BCL6B: variants seen among roughly 807,000 people sequenced by gnomAD.
BCL6B encodes B-cell CLL/lymphoma 6 member B protein.
BCL6B carries 28 observed loss-of-function variants against 44.6 expected under a neutral mutation model. That is an observed-to-expected ratio of 0.63 (90% CI 0.47 to 0.86). The LOEUF is 0.86. Ranked by LOEUF, BCL6B falls within the 40% of genes least tolerant of loss-of-function variation. The pLI, the probability that BCL6B is intolerant of heterozygous loss-of-function variation, is 0.00. For missense variants in BCL6B, 626 were observed against 652.3 expected (o/e 0.96, Z 0.44); for synonymous variants, 268 against 263.6 (o/e 1.02, Z -0.16).
chr17:7,027,855 GCT>G lies in BCL6B; in HGVS notation c.*237_*238del, dbSNP rs55794654. 0.093 allele frequency: 128,445 copies of G among 1,386,712 alleles called. 7,124 individuals carry two copies. Among genetic ancestry groups the G allele is most frequent in the South Asian group, 0.25 (15,940 of 64,710 alleles). The allele number at this position is 1,386,712 out of a possible 1,614,324, so 85.9% of individuals were successfully genotyped here. On this transcript the variant is annotated 3_prime_UTR_variant, in exon 9 of 9. Coordinates refer to ENST00000293805, the MANE Select transcript of BCL6B (RefSeq NM_181844.4). ...AAGCCAGATTGTTTCTGAGGAGAGA[GCT>G]AGCTAGGGGCTGGGAAAGGGGAGAG...
At chr17:7,027,212 T>G in intron 8 of BCL6B, 125 bp downstream of exon 8, 6 of 1,331,076 alleles carry the variant, frequency 4.5e-6, no homozygotes, top group Non-Finnish European at 6.1e-6. Flanking sequence ...GCCGGAAGAG[T>G]CCAAGCAAAT....
intron 8 of BCL6B, 58 bp downstream of exon 8, chr17:7,027,145 G>T: frequency 6.2e-7 from 1 of 1,603,614 alleles, no homozygotes; most frequent in African/African-American, 1.3e-5. Flanking sequence ...TTGCCTAGGG[G>T]TGGGCTCTGA....
chr17:7,023,772 G>A lies in BCL6B; in HGVS notation c.101G>A (p.Arg34His), dbSNP rs1910193753. 1.2e-6 allele frequency: 2 copies of A among 1,613,464 alleles called. No individual in the cohort carries two copies. Among genetic ancestry groups the A allele is most frequent in the Non-Finnish European group, 1.7e-6 (2 of 1,180,032 alleles). The change falls in exon 2 of 9, where the codon CGC (arginine) becomes CAC (histidine). Residue 34 changes from arginine to histidine, a missense_variant. By Grantham distance (29) the Arg-to-His change is conservative (BLOSUM62 0). Coordinates refer to ENST00000293805, the MANE Select transcript of BCL6B (RefSeq NM_181844.4). ...GGCAACCTCAACGAGCTGCGCCTGC[G>A]CGGGATCCTCACTGACGTCACGCTG... ...VLGNLNELRL[R>H]GILTDVTLLV...
intron 8 of BCL6B, 64 bp from the exon 9 acceptor site, chr17:7,027,439 C>G: frequency 1.9e-6 from 3 of 1,587,702 alleles, no homozygotes; most frequent in African/African-American, 2.7e-5. Flanking sequence ...GGACGGCCGC[C>G]CGGCTCAACA....
rs972524435 is a variant in BCL6B at position 7,025,149 on chromosome 17, C to A, written c.838C>A (p.Gln280Lys). Residue 280 changes from glutamine to lysine, a missense_variant, in exon 5 of 9, where the codon CAG (glutamine) becomes AAG (lysine). Gln to Lys is a moderately conservative substitution (Grantham distance 53). Coordinates refer to ENST00000293805, the MANE Select transcript of BCL6B (RefSeq NM_181844.4). ...PASTPYLLTS[Q>K]AQDTSGSPSE... ...CAGTACCCCCTACCTCCTCACATCC[C>A]AGGCTCAAGACACCTCTGGATCACC... 3.1e-5 allele frequency: 50 copies of A among 1,614,080 alleles called. No individual in the cohort carries two copies. The highest frequency in any genetic ancestry group is 3.6e-5 in the Non-Finnish European group (42 of 1,180,038).
At position 7,028,273 on chromosome 17, in the gene BCL6B, TG is replaced by T. The variant is rs1473356736; in HGVS notation, c.*657del. On this transcript the variant is annotated 3_prime_UTR_variant, in exon 9 of 9. Transcript: ENST00000293805. ...ACCTTTATTTGTTCTAGGGCAGCTC[TG>T]GGAACATGCGGGATTGTGGAATTGG... is the stretch of plus-strand genomic sequence containing the variant. 1 of 985,540 alleles carries T rather than the reference TG, an allele frequency of 1.0e-6. No individual in the cohort carries two copies. The allele number at this position is 985,540 out of a possible 1,614,324, so 61.0% of individuals were successfully genotyped here. A position where few individuals can be genotyped will look rare whatever the true frequency, so the allele number is the denominator to read the frequency against.
rs778496005 is a variant in BCL6B, at chr17:7,027,997, C to T, written c.*378C>T. On this transcript the variant is annotated 3_prime_UTR_variant, in exon 9 of 9. Transcript: ENST00000293805. ...TTTGGGTGGCACCGGGGCCTTCATT[C>T]GATTGCATTTCCCACTCCCCTCTTC... 2.3e-5 allele frequency: 24 copies of T among 1,022,066 alleles called. No homozygotes were observed. The highest frequency in any genetic ancestry group is 4.8e-4 in the Middle Eastern group (1 of 2,078). The allele number at this position is 1,022,066 out of a possible 1,614,324, so 63.3% of individuals were successfully genotyped here.
intron 8 of BCL6B, 67 bp downstream of exon 8, chr17:7,027,154 G>A: frequency 5.7e-6 from 9 of 1,589,198 alleles, no homozygotes; most frequent in Admixed American, 1.7e-5. Context: ...GGTGGGCTCT[G>A]AGAGGTGCGG....
chr17:7,024,531 A>C lies in BCL6B; in HGVS notation c.532A>C (p.Ser178Arg). ...PDPPTESRSC[S>R]QGPPSPASPD... ...CCCACCTACTGAATCTCGAAGCTGC[A>C]GTCAAGGCCCCCCCAGTCCAGCCAG... Residue 178 changes from serine to arginine, a missense_variant, in exon 4 of 9, where the codon AGT becomes CGT. By Grantham distance (110) the Ser-to-Arg change is moderately radical. Transcript: ENST00000293805. The surrounding 1 kb of genome is among the most constrained non-coding windows in gnomAD (Gnocchi z 6.6). The C allele has an allele frequency of 6.2e-7, 1 of 1,613,436 alleles. No homozygotes were observed. Among genetic ancestry groups the C allele is most frequent in the Middle Eastern group, 1.6e-4 (1 of 6,062 alleles).
In BCL6B at chr17:7,029,220, G is replaced by C. The variant is rs945385944; in HGVS notation, c.*1601G>C. 2 of 986,140 alleles carry C rather than the reference G, an allele frequency of 2.0e-6. No individual in the cohort carries two copies. Among genetic ancestry groups the C allele is most frequent in the East Asian group, 2.3e-4 (2 of 8,828 alleles). The allele number at this position is 986,140 out of a possible 1,614,324, so 61.1% of individuals were successfully genotyped here. On this transcript the variant is annotated 3_prime_UTR_variant, in exon 9 of 9. Coordinates refer to ENST00000293805, the MANE Select transcript of BCL6B (RefSeq NM_181844.4). ...GGGGTGCAGTTTCTGGTGTAGGCCA[G>C]GTAGGTAGAAAGTGAGGAACAGGGT... is the stretch of plus-strand genomic sequence containing the variant.
rs772084056 is a variant in BCL6B, at chr17:7,024,235, T to C, written c.332T>C (p.Val111Ala). 6.2e-7 allele frequency: 1 copy of C among 1,613,776 alleles called. No homozygotes were observed. The highest frequency in any genetic ancestry group is 8.5e-7 in the Non-Finnish European group (1 of 1,180,000). Residue 111 changes from valine to alanine, a missense_variant, in exon 3 of 9, where the codon GTC becomes GCC. Transcript: ENST00000293805. This position sits in a 1 kb window ranked among gnomAD's most constrained non-coding sequence, Gnocchi z 6.6. ...CTCTCTCCAGCCACTGCACCAGCAG[T>C]CCTAGCGGCCGCCACCTATTTGCAG... is the stretch of plus-strand genomic sequence containing the variant. The part of the protein sequence containing the change: ...LRLSPATAPA[V>A]LAAATYLQME...
intron 4 of BCL6B, 51 bp from the exon 5 acceptor site, chr17:7,025,025 C>T (rs778696495): frequency 1.3e-6 from 2 of 1,588,086 alleles, no homozygotes; most frequent in South Asian, 2.3e-5. Flanking sequence ...AGAGAACCCC[C>T]ACCCCTCAAC....
Position 7,026,793 on chromosome 17 carries a change from G to A in BCL6B, c.1143G>A (p.Glu381=). ...LKTHSRIHSG[E]KPYKCETCGS... is the part of the protein sequence containing the mutation. ...CGCACAGCCGCATCCATTCGGGAGA[G>A]AAGCCGTATAAGTGTGAGACGTGCG... is the stretch of plus-strand genomic sequence containing the variant. The change falls in exon 7 of 9, where the codon GAG becomes GAA. Residue 381 remains glutamate, a synonymous_variant. Coordinates refer to ENST00000293805, the MANE Select transcript of BCL6B (RefSeq NM_181844.4). 1 of 1,614,132 alleles carries A rather than the reference G, an allele frequency of 6.2e-7. No individual in the cohort carries two copies. Among genetic ancestry groups the A allele is most frequent in the Non-Finnish European group, 8.5e-7 (1 of 1,180,042 alleles).
Position 7,027,586 on chromosome 17 carries a change from C to G in BCL6B, c.1407C>G (p.Thr469=). Residue 469 remains threonine, a synonymous_variant, in exon 9 of 9, where the codon ACC becomes ACG. Coordinates refer to ENST00000293805, the MANE Select transcript of BCL6B (RefSeq NM_181844.4). The part of the protein sequence containing the change: ...LRQKHGAATN[T]KVHYHILGGP ...AGAAACACGGAGCTGCTACCAACAC[C>G]AAAGTGCACTACCACATTCTCGGGG... is the stretch of plus-strand genomic sequence containing the variant. 6.2e-7 allele frequency: 1 copy of G among 1,613,742 alleles called. No homozygotes were observed. Among genetic ancestry groups the G allele is most frequent in the Non-Finnish European group, 8.5e-7 (1 of 1,180,000 alleles).
chr17:7,027,838 T>C lies in BCL6B; in HGVS notation c.*219T>C. On this transcript the variant is annotated 3_prime_UTR_variant, in exon 9 of 9. Transcript: ENST00000293805. ...CAAAACCTCTTCCCCACAAGCCAGA[T>C]TGTTTCTGAGGAGAGAGCTAGCTAG... The C allele has an allele frequency of 1.4e-6, 2 of 1,408,920 alleles. No individual in the cohort carries two copies. Among genetic ancestry groups the C allele is most frequent in the South Asian group, 1.5e-5 (1 of 65,886 alleles). 87.3% of individuals were successfully genotyped at this position (1,408,920 alleles called of 1,614,324 possible). A position where few individuals can be genotyped will look rare whatever the true frequency, so the allele number is the denominator to read the frequency against.
intron 8 of BCL6B, 63 bp downstream of exon 8, chr17:7,027,150 C>T: frequency 6.3e-7 from 1 of 1,596,508 alleles, no homozygotes; most frequent in African/African-American, 1.3e-5. Context: ...TAGGGGTGGG[C>T]TCTGAGAGGT....
chr17:7,028,597 A>C lies in BCL6B; in HGVS notation c.*978A>C. On this transcript the variant is annotated 3_prime_UTR_variant, in exon 9 of 9. Transcript: ENST00000293805. ...TATCCATCTATAGTGGTAGAGACCCACCAGGGCTCAAGTGGAGTCCATCAT... is the reference window on the plus strand; with the variant it reads ...TATCCATCTATAGTGGTAGAGACCCCCCAGGGCTCAAGTGGAGTCCATCAT... The C allele has an allele frequency of 1.1e-6, 1 of 902,194 alleles. No homozygotes were observed. The highest frequency in any genetic ancestry group is 1.3e-6 in the Non-Finnish European group (1 of 792,214). The allele number at this position is 902,194 out of a possible 1,614,324, so 55.9% of individuals were successfully genotyped here.
In BCL6B at chr17:7,024,299, G is replaced by A; in HGVS notation, c.396G>A (p.Gln132=). The A allele has an allele frequency of 6.2e-7, 1 of 1,613,758 alleles. No homozygotes were observed. Among genetic ancestry groups the A allele is most frequent in the Non-Finnish European group, 8.5e-7 (1 of 1,180,022 alleles). Residue 132 remains glutamine, a synonymous_variant, in exon 3 of 9, where the codon CAG becomes CAA. Transcript: ENST00000293805. The surrounding 1 kb of genome is among the most constrained non-coding windows in gnomAD (Gnocchi z 6.6). ...TCCAGGCATGCCACCGCTTCATCCA[G>A]GCCAGGTGAGGGACCCTGGCTCGGC... The part of the protein sequence containing the change: ...HVVQACHRFI[Q]ASYEPLGISL...
chr17:7,029,550 T>C lies in BCL6B; in HGVS notation c.*1931T>C. 1.8e-6 allele frequency: 2 copies of C among 1,142,282 alleles called. No homozygotes were observed. Among genetic ancestry groups the C allele is most frequent in the Non-Finnish European group, 2.2e-6 (2 of 917,044 alleles). The allele number at this position is 1,142,282 out of a possible 1,614,324, so 70.8% of individuals were successfully genotyped here. A position where few individuals can be genotyped will look rare whatever the true frequency, so the allele number is the denominator to read the frequency against. On this transcript the variant is annotated 3_prime_UTR_variant, in exon 9 of 9. Transcript: ENST00000293805. ...ATAAGAAGGAATCATGATTTCTATT[T>C]AGCAGATTGGATGGGCAGGTGGAGA...
Sources: gnomAD v4.1 joint callset for allele counts on GRCh38, gnomAD v4.1.1 for gene constraint, Gnocchi (gnomAD v3.1) non-coding constraint, MANE v1.5 for transcripts, NCBI Gene and HGNC (gene_info 2026-07-23, HGNC 2026-07-21) for gene names.